The following STPG2 variants were observed in gnomAD, a reference collection of about 807,000 sequenced individuals.
STPG2 encodes the protein sperm-tail PG-rich repeat-containing protein 2.
A neutral mutation model predicts 54.2 loss-of-function variants in STPG2; 56 were observed. That is an observed-to-expected ratio of 1.03 (90% CI 0.83 to 1.29). The LOEUF is 1.29. STPG2 is among the 50% of genes most tolerant of loss of function. The probability of loss-of-function intolerance (pLI) is 0.00; values close to 1 mark genes in which losing one functional copy is unlikely to be tolerated. For missense variants in STPG2, 596 were observed against 544.9 expected (o/e 1.09, Z -0.93); for synonymous variants, 200 against 181.8 (o/e 1.10, Z -0.81).
chr4:98,130,905 G>C (rs1236065743), intron 2 of STPG2, among the ~76,000 whole-genome samples: 3 of 125,034 alleles, frequency 2.4e-5, no homozygotes, highest in Admixed American at 9.4e-5. Context: ...CTGGGAGACA[G>C]AGCGAGACTC....
intron 5 of STPG2, among the ~76,000 whole-genome samples, chr4:97,991,028 A>G (rs1441787928): frequency 2.6e-5 from 4 of 152,028 alleles, no homozygotes; most frequent in African/African-American, 7.2e-5. Flanking sequence ...GGCAGTGTAC[A>G]CTGTACCCAA....
chr4:97,907,555 G>T (rs527510658), intron 8 of STPG2, among the ~76,000 whole-genome samples: 2 of 151,720 alleles, frequency 1.3e-5, no homozygotes, highest in African/African-American at 2.4e-5. Context: ...AGCCTACATC[G>T]CCAAGTCAAT....
chr4:97,488,144 A>G (rs1730416871), intron 4 of STPG2, among the ~76,000 whole-genome samples: 1 of 151,650 alleles, frequency 6.6e-6, no homozygotes, highest in Non-Finnish European at 1.5e-5. Context: ...GGGCCTTAAT[A>G]TAATGGAATA....
Position 97,488,195 on chromosome 4 carries a change from T to A in STPG2, c.462+224504A>T, listed in dbSNP as rs150833800. Among the ~76,000 whole-genome samples, 635 of 151,788 alleles carry A rather than the reference T, an allele frequency of 4.2e-3. 3 individuals carry two copies. Among genetic ancestry groups the A allele is most frequent in the South Asian group, 0.02 (98 of 4,828 alleles). ...AATAAATGAACCAAATCTGCATTTATCTACAGAGAATATTCTTGAAAACTT... is the reference window on the plus strand; with the variant it reads ...AATAAATGAACCAAATCTGCATTTAACTACAGAGAATATTCTTGAAAACTT... On this transcript the variant is annotated intron_variant, in intron 4 of 4. Transcript: ENST00000522676.
chr4:97,643,142 G>C (rs1249097540), intron 10 of STPG2, among the ~76,000 whole-genome samples: 1 of 151,508 alleles, frequency 6.6e-6, no homozygotes, highest in Non-Finnish European at 1.5e-5. Context: ...TTATATGCCA[G>C]AAATACTAGA....
At chr4:97,744,135 A>T (rs1725353408) in intron 9 of STPG2, among the ~76,000 whole-genome samples, 1 of 151,486 alleles carries the variant, frequency 6.6e-6, no homozygotes, top group Non-Finnish European at 1.5e-5. Context: ...AAGACTCTTA[A>T]ATCACATCTT....
chr4:98,143,046 C>T lies in STPG2; in HGVS notation c.105G>A (p.Ala35=), dbSNP rs1384683616. ...CTGCCTCTTCCTACATCTTACCTGT[C>T]GCCTGCTGCTTCAGGAAAGGTACCT... ...SYQVPFLKQQ[A]TGSNAPFLSL... Residue 35 remains alanine, a synonymous_variant, in exon 1 of 11, where the codon GCG becomes GCA. Coordinates refer to ENST00000295268, the MANE Select transcript of STPG2 (RefSeq NM_174952.3). 2 of 1,610,184 alleles carry T rather than the reference C, an allele frequency of 1.2e-6. No homozygotes were observed. Among genetic ancestry groups the T allele is most frequent in the Admixed American group, 1.7e-5 (1 of 59,770 alleles).
At chr4:98,053,533 TAACAA>T (rs1560656939) in intron 5 of STPG2, among the ~76,000 whole-genome samples, 12 of 151,156 alleles carry the variant, frequency 7.9e-5, no homozygotes, top group African/African-American at 2.7e-4. Context: ...TAAAAGCAAA[TAACAA>T]AAAAAAAATC....
intron 4 of STPG2, among the ~76,000 whole-genome samples, chr4:97,506,208 A>G (rs1182848360): frequency 6.6e-6 from 1 of 151,838 alleles, no homozygotes; most frequent in Non-Finnish European, 1.5e-5. Flanking sequence ...AACAGTGTAA[A>G]TTTTCTCTGA....
intron 5 of STPG2, among the ~76,000 whole-genome samples, chr4:98,046,426 AC>A (rs1473347626): frequency 6.6e-6 from 1 of 152,112 alleles, no homozygotes; most frequent in African/African-American, 2.4e-5. Context: ...GGCATATTAG[AC>A]TATAACTCTC....
intron 7 of STPG2, among the ~76,000 whole-genome samples, chr4:97,964,076 G>T (rs1374133850): frequency 6.6e-6 from 1 of 152,092 alleles, no homozygotes; most frequent in Non-Finnish European, 1.5e-5. Context: ...CTGAAATTTT[G>T]CCCTACTTCA....
chr4:98,056,173 C>T (rs376821591), intron 5 of STPG2, among the ~76,000 whole-genome samples: 41 of 152,158 alleles, frequency 2.7e-4, no homozygotes, highest in African/African-American at 9.2e-4. Context: ...ACAAGCCCCA[C>T]CACCACCAGC....
intron 7 of STPG2, among the ~76,000 whole-genome samples, chr4:97,967,270 G>A (rs1248758333): frequency 6.6e-6 from 1 of 151,646 alleles, no homozygotes; most frequent in Non-Finnish European, 1.5e-5. Flanking sequence ...AAGAGACAAG[G>A]CCATTACATA....
chr4:97,703,796 G>A (rs181870115), intron 10 of STPG2, among the ~76,000 whole-genome samples: 3 of 143,684 alleles, frequency 2.1e-5, no homozygotes, highest in Admixed American at 7.2e-5. Context: ...GTATATATAT[G>A]TGTGTGTGTG....
chr4:97,981,104 A>C (rs1171591706), intron 6 of STPG2, 55 bp downstream of exon 6: 13 of 1,561,038 alleles, frequency 8.3e-6, no homozygotes, highest in Non-Finnish European at 1.1e-5. Context: ...CTTGTTAAGA[A>C]CATTAAGTTT....
chr4:97,868,126 T>C (rs1729858576), intron 8 of STPG2, among the ~76,000 whole-genome samples: 1 of 151,984 alleles, frequency 6.6e-6, no homozygotes, highest in Non-Finnish European at 1.5e-5. Flanking sequence ...GTCTTCAATT[T>C]CCCTGTTCGT....
chr4:97,850,778 G>T lies in STPG2; in HGVS notation c.1045-9846C>A, dbSNP rs558147144. Among the ~76,000 whole-genome samples, 22 of 152,126 alleles carry T rather than the reference G, an allele frequency of 1.4e-4. 1 individual carries two copies. The South Asian group carries it at 4.6e-3, about 32-fold the overall frequency. ...TGTGCCAAATAACTACCCTCAAGCT[G>T]CAAGGGAACCCCAAAAAAGTAGTTG... On this transcript the variant is annotated intron_variant, in intron 8 of 10. Transcript: ENST00000295268.
chr4:97,963,697 T>C (rs1367212928), intron 7 of STPG2, among the ~76,000 whole-genome samples: 1 of 151,510 alleles, frequency 6.6e-6, no homozygotes, highest in South Asian at 2.1e-4. Context: ...TTGAAATATA[T>C]ATACACACAT....
At chr4:97,885,804 C>A (rs1261866134) in intron 8 of STPG2, among the ~76,000 whole-genome samples, 1 of 152,140 alleles carries the variant, frequency 6.6e-6, no homozygotes, top group Non-Finnish European at 1.5e-5. Context: ...ATCCCCCATG[C>A]ATATTGTGGT....
Sources: allele counts gnomAD v4.1 joint callset (sites outside exome capture counted in the v4.1 genomes callset), GRCh38; gene constraint gnomAD v4.1.1; transcripts MANE v1.5; gene names NCBI Gene and HGNC (gene_info 2026-07-23, HGNC 2026-07-21).